USP32: variants seen among roughly 807,000 people sequenced by gnomAD.
The protein encoded by USP32 is ubiquitin carboxyl-terminal hydrolase 32.
In USP32, 59 loss-of-function variants were observed where a neutral mutation model predicts 204.8. That is an observed-to-expected ratio of 0.29 (90% confidence interval 0.23 to 0.36). The LOEUF is 0.36. USP32 is among the 10% of genes least tolerant of loss of function. The pLI is 1.00. For synonymous variants in USP32, 517 were observed against 678.4 expected (o/e 0.76, Z 3.70); for missense variants, 1,160 against 1,946.4 (o/e 0.60, Z 7.60).
intron 1 of USP32, among the ~76,000 whole-genome samples, chr17:60,368,657 T>A (rs573348366): frequency 1.3e-5 from 2 of 152,044 alleles, no homozygotes; most frequent in African/African-American, 4.8e-5. Flanking sequence ...CATCAAAAAA[T>A]AGTAAACATA....
chr17:60,284,590 T>C (rs2087061836), intron 5 of USP32, among the ~76,000 whole-genome samples: 1 of 152,186 alleles, frequency 6.6e-6, no homozygotes, highest in Admixed American at 6.5e-5. Context: ...AAAAAGATGA[T>C]TTTCAAATAA....
At chr17:60,388,289 TACACACACAC>T (rs35068599) in intron 1 of USP32, among the ~76,000 whole-genome samples, 10 of 142,016 alleles carry the variant, frequency 7.0e-5, no homozygotes, top group African/African-American at 1.6e-4. Context: ...AGCCGATTCT[TACACACACAC>T]ACACACACAC....
chr17:60,192,957 G>A (rs755197740), intron 27 of USP32, 27 bp from the exon 28 acceptor site: 3 of 1,611,388 alleles, frequency 1.9e-6, no homozygotes, highest in African/African-American at 2.7e-5. Flanking sequence ...CAAAAAGAGT[G>A]TAAGAAGCAT....
intron 1 of USP32, among the ~76,000 whole-genome samples, chr17:60,365,209 G>A (rs1187918491): frequency 2.0e-5 from 3 of 151,914 alleles, no homozygotes; most frequent in Non-Finnish European, 2.9e-5. Flanking sequence ...AGCCGGGTGC[G>A]GTGGCTCATA....
At chr17:60,413,876 G>GAAAAA (rs753405307) in intron 1 of USP32, among the ~76,000 whole-genome samples, 16 of 95,084 alleles carry the variant, frequency 1.7e-4, no homozygotes, top group Admixed American at 2.5e-4. Context: ...AAAAAAAAAA[G>GAAAAA]AAAAAAAAAA....
chr17:60,189,254 G>A (rs180840072), intron 29 of USP32, among the ~76,000 whole-genome samples: 3 of 152,190 alleles, frequency 2.0e-5, no homozygotes, highest in African/African-American at 7.2e-5. Flanking sequence ...CTTATTTCTG[G>A]CTAGAAAGGG....
intron 13 of USP32, 33 bp downstream of exon 13, chr17:60,226,006 C>T: frequency 6.5e-7 from 1 of 1,530,632 alleles, no homozygotes; most frequent in Non-Finnish European, 8.7e-7. Context: ...GGGGAATAAA[C>T]CAATAAACCT....
chr17:60,339,289 A>C (rs150057997), intron 2 of USP32, among the ~76,000 whole-genome samples: 7 of 152,234 alleles, frequency 4.6e-5, no homozygotes, highest in African/African-American at 1.7e-4. Context: ...ATAAGTGCTA[A>C]AAGGTATAAA....
chr17:60,354,775 G>A (rs2089029683), intron 1 of USP32, among the ~76,000 whole-genome samples: 1 of 152,212 alleles, frequency 6.6e-6, no homozygotes, highest in South Asian at 2.1e-4. Flanking sequence ...GGCCAGGTGT[G>A]TGGCTCACGC....
At chr17:60,316,832 C>T (rs1310026085) in intron 2 of USP32, among the ~76,000 whole-genome samples, 1 of 152,072 alleles carries the variant, frequency 6.6e-6, no homozygotes, top group Non-Finnish European at 1.5e-5. Flanking sequence ...AAGAGCGAGA[C>T]TTTGACTCAT....
chr17:60,253,814 T>G (rs938880953), intron 10 of USP32, among the ~76,000 whole-genome samples: 1 of 152,102 alleles, frequency 6.6e-6, no homozygotes, highest in Non-Finnish European at 1.5e-5. Context: ...CCCATTTTCA[T>G]GTTACCAAGC....
chr17:60,359,452 C>A (rs977355809), intron 1 of USP32, among the ~76,000 whole-genome samples: 3 of 152,120 alleles, frequency 2.0e-5, no homozygotes, highest in Admixed American at 6.5e-5. Context: ...TTGTCCAAGG[C>A]CTATGCTTAT....
At chr17:60,409,775 A>T (rs1420120004) in intron 1 of USP32, among the ~76,000 whole-genome samples, 1 of 152,176 alleles carries the variant, frequency 6.6e-6, no homozygotes, top group South Asian at 2.1e-4. Context: ...TCACATTGGA[A>T]GAGGAAGAAT....
rs551723420 is a variant in USP32, at chr17:60,336,453, C to T, written c.186+9028G>A. Among the ~76,000 whole-genome samples the T allele has an allele frequency of 6.3e-5, 9 of 142,762 alleles. 1 individual carries two copies. Among genetic ancestry groups the T allele is most frequent in the East Asian group, 1.9e-4 (1 of 5,140 alleles). 93.7% of individuals were successfully genotyped at this position (142,762 alleles called of 152,430 possible). On this transcript the variant is annotated intron_variant, in intron 2 of 33. Transcript: ENST00000300896. Reference sequence around the variant, plus strand: ...TGAATTGGCCGGGCGCGGTGGCTCACGCCTGTAATCCCAGCACTTTGGGAG... The same window carrying T: ...TGAATTGGCCGGGCGCGGTGGCTCATGCCTGTAATCCCAGCACTTTGGGAG...
intron 18 of USP32, 126 bp downstream of exon 18, chr17:60,213,451 GTTTC>G (rs1291363193): frequency 7.6e-5 from 39 of 512,516 alleles, no homozygotes; most frequent in Non-Finnish European, 1.2e-4. Context: ...TTTCCAAAGG[GTTTC>G]TTTATCATAA....
intron 7 of USP32, among the ~76,000 whole-genome samples, chr17:60,268,959 T>G (rs184684905): frequency 2.6e-4 from 39 of 152,340 alleles, no homozygotes; most frequent in Admixed American, 9.2e-4. Context: ...TAATGGAATG[T>G]ATTTATGCTT....
At chr17:60,254,324 T>A (rs1270950084) in intron 10 of USP32, among the ~76,000 whole-genome samples, 1 of 152,222 alleles carries the variant, frequency 6.6e-6, no homozygotes, top group African/African-American at 2.4e-5. Flanking sequence ...TCCCACTTAA[T>A]CTTTTTTGGA....
At chr17:60,333,326 A>G (rs989697388) in intron 2 of USP32, among the ~76,000 whole-genome samples, 26 of 152,228 alleles carry the variant, frequency 1.7e-4, no homozygotes, top group African/African-American at 5.8e-4. Context: ...AAGGCAGGGC[A>G]TGATGGCTCA....
At chr17:60,259,506 G>C (rs1390130111) in intron 9 of USP32, among the ~76,000 whole-genome samples, 1 of 152,142 alleles carries the variant, frequency 6.6e-6, no homozygotes, top group Non-Finnish European at 1.5e-5. Flanking sequence ...CTTGTACCCT[G>C]AGCTGCAGGG....
Sources: gnomAD v4.1 joint callset for allele counts (sites outside exome capture counted in the v4.1 genomes callset) on GRCh38, gnomAD v4.1.1 for gene constraint, MANE v1.5 for transcripts, NCBI Gene and HGNC (gene_info 2026-07-23, HGNC 2026-07-21) for gene names.